Variants in IGSF11 observed in about 807,000 individuals in gnomAD.
IGSF11 encodes the protein immunoglobulin superfamily member 11.
Under a neutral mutation model 41.0 loss-of-function variants are expected in IGSF11, and 22 were observed. That is an observed-to-expected ratio of 0.54 (90% CI 0.38 to 0.77). The LOEUF (loss-of-function observed/expected upper bound fraction) is 0.77, where lower values mean the gene tolerates loss of function less well. IGSF11 is among the 30% of genes least tolerant of loss of function. IGSF11 has a pLI of 0.00. For missense variants in IGSF11, 444 were observed against 530.8 expected (o/e 0.84, Z 1.61); for synonymous variants, 219 against 201.3 (o/e 1.09, Z -0.74).
At position 118,903,111 on chromosome 3, in the gene IGSF11, C is replaced by A. The variant is rs1446459059; in HGVS notation, c.855-150G>T. On this transcript the variant is annotated intron_variant, in intron 6 of 6. Coordinates refer to ENST00000393775, the MANE Select transcript of IGSF11 (RefSeq NM_001015887.3). ...TCTATCGTGAAAGCAGGCATGGCAA[C>A]CCTGGATGGCCTCAGCTTTGGTATC... 5 of 690,380 alleles carry A rather than the reference C, an allele frequency of 7.2e-6. No homozygotes were observed. The African/African-American group carries it at 9.1e-5, about 12-fold the overall frequency. The allele number at this position is 690,380 out of a possible 1,614,324, so 42.8% of individuals were successfully genotyped here.
At chr3:118,956,649 C>T (rs906044955) in intron 1 of IGSF11, among the ~76,000 whole-genome samples, 1 of 152,088 alleles carries the variant, frequency 6.6e-6, no homozygotes. Context: ...TATGGCACCC[C>T]GAAACAATTA....
chr3:118,972,532 T>C (rs1933559869), intron 1 of IGSF11, among the ~76,000 whole-genome samples: 1 of 152,214 alleles, frequency 6.6e-6, no homozygotes, highest in Non-Finnish European at 1.5e-5. Context: ...AGTTGCTGAA[T>C]GGATGATTTT....
In IGSF11 at chr3:118,964,786, C is replaced by G. The variant is rs139608010; in HGVS notation, c.53-34511G>C. On this transcript the variant is annotated intron_variant, in intron 1 of 6. Transcript: ENST00000393775. ...ATGTCTACCAAATCTATCATATAGT[C>G]TACCAAATCTAACATAAAAGAATTT... 5.3e-3 allele frequency among the ~76,000 whole-genome samples: 809 copies of G among 152,226 alleles called. 13 individuals are homozygous for G. Among genetic ancestry groups the G allele is most frequent in the African/African-American group, 0.018 (765 of 41,540 alleles).
At chr3:119,017,003 G>A (rs1002868761) in intron 1 of IGSF11, among the ~76,000 whole-genome samples, 1 of 149,142 alleles carries the variant, frequency 6.7e-6, no homozygotes, top group Non-Finnish European at 1.5e-5. Context: ...AAACAGATAT[G>A]GGCTAAAGCA....
chr3:118,969,605 G>A (rs1576512521), intron 1 of IGSF11, among the ~76,000 whole-genome samples: 1 of 152,134 alleles, frequency 6.6e-6, no homozygotes, highest in Non-Finnish European at 1.5e-5. Flanking sequence ...GCAGGTACTA[G>A]GGCAAAGCAA....
intron 1 of IGSF11, among the ~76,000 whole-genome samples, chr3:119,050,221 A>C (rs972794271): frequency 7.2e-5 from 11 of 152,014 alleles, no homozygotes; most frequent in South Asian, 2.1e-4. Context: ...CAACCTACAA[A>C]ATGGGAGAAA....
At chr3:119,062,044 AT>A in intron 1 of IGSF11, among the ~76,000 whole-genome samples, 1 of 152,186 alleles carries the variant, frequency 6.6e-6, no homozygotes. Flanking sequence ...TAAAAATGGA[AT>A]ATAATTCCTA....
intron 1 of IGSF11, among the ~76,000 whole-genome samples, chr3:119,085,112 G>T (rs1207641692): frequency 2.0e-5 from 3 of 152,166 alleles, no homozygotes; most frequent in Non-Finnish European, 4.4e-5. Flanking sequence ...AATGATGGGA[G>T]GTGGCTCCCC....
chr3:118,929,793 A>G (rs1942683444), intron 2 of IGSF11, among the ~76,000 whole-genome samples: 1 of 152,228 alleles, frequency 6.6e-6, no homozygotes, highest in Non-Finnish European at 1.5e-5. Context: ...CTATCTTTTA[A>G]AAGTATGCTC....
chr3:118,910,992 T>C (rs1462813170), intron 4 of IGSF11, among the ~76,000 whole-genome samples: 3 of 152,154 alleles, frequency 2.0e-5, no homozygotes, highest in East Asian at 3.9e-4. Context: ...TATGATTTTC[T>C]CTTTATATCT....
chr3:118,965,188 A>G (rs1945586060), intron 1 of IGSF11, among the ~76,000 whole-genome samples: 1 of 152,178 alleles, frequency 6.6e-6, no homozygotes, highest in African/African-American at 2.4e-5. Context: ...ATATAATTTT[A>G]GAAAATATAA....
rs535809232 is a variant in IGSF11, at chr3:118,953,553, T to C, written c.53-23278A>G. Reference sequence around the variant, plus strand: ...AATTGTTCCCTTTCTACCTCATCCATGCCAACATCTATTATTTTTTGATTT... The same window carrying C: ...AATTGTTCCCTTTCTACCTCATCCACGCCAACATCTATTATTTTTTGATTT... On this transcript the variant is annotated intron_variant, in intron 1 of 6. Transcript: ENST00000393775. 5.3e-5 allele frequency among the ~76,000 whole-genome samples: 8 copies of C among 152,338 alleles called. No individual in the cohort carries two copies. In the East Asian group the frequency reaches 9.6e-4, roughly 18 times the overall value.
At chr3:119,030,645 C>G (rs1002247774) in intron 1 of IGSF11, among the ~76,000 whole-genome samples, 4 of 152,152 alleles carry the variant, frequency 2.6e-5, no homozygotes, top group African/African-American at 9.7e-5. Flanking sequence ...CAGCTCAAAT[C>G]AGATGGCTTT....
chr3:119,056,422 GA>G (rs1180043868), intron 1 of IGSF11, among the ~76,000 whole-genome samples: 2 of 152,154 alleles, frequency 1.3e-5, no homozygotes, highest in Admixed American at 1.3e-4. Flanking sequence ...ACTAAACCAG[GA>G]AGAAGTTGAA....
chr3:119,126,581 AG>A (rs1248034843), intron 1 of IGSF11, among the ~76,000 whole-genome samples: 1 of 152,162 alleles, frequency 6.6e-6, no homozygotes, highest in Non-Finnish European at 1.5e-5. Context: ...GCACTCCAAC[AG>A]GGGTTGTCAG....
In IGSF11 at chr3:118,909,649, G is replaced by A. The variant is rs562869634; in HGVS notation, c.581-3931C>T. On this transcript the variant is annotated intron_variant, in intron 4 of 6. Transcript: ENST00000393775. ...CATTAATAGAATTTCCAAGGGCACC[G>A]TCCAGATGGATGTTAGGATACATCC... Among the ~76,000 whole-genome samples the A allele has an allele frequency of 4.6e-5, 7 of 152,222 alleles. 1 individual carries two copies. In the South Asian group the frequency reaches 6.2e-4, roughly 13 times the overall value.
rs143837667 is a variant in IGSF11, at chr3:118,902,596, C to T, written c.1220G>A (p.Ser407Asn). The change falls in exon 7 of 7, where the codon AGC (serine) becomes AAC (asparagine). Residue 407 changes from serine (S) to asparagine (N), a missense_variant. Coordinates refer to ENST00000393775, the MANE Select transcript of IGSF11 (RefSeq NM_001015887.3). The stretch of plus-strand genomic sequence containing the variant: ...ACCAATTCGTTCCAGTGTTGCGTGG[C>T]TGATGGTGTAGGAATGAGTGTGTGG... ...RPPHTHSYTISHATLERIGAV... is the reference protein window; with the variant it reads ...RPPHTHSYTINHATLERIGAV... 5.6e-6 allele frequency: 9 copies of T among 1,613,948 alleles called. No homozygotes were observed. Among genetic ancestry groups the T allele is most frequent in the African/African-American group, 1.3e-5 (1 of 74,900 alleles).
intron 1 of IGSF11, among the ~76,000 whole-genome samples, chr3:119,123,232 G>A (rs1256203184): frequency 6.6e-6 from 1 of 152,328 alleles, no homozygotes; most frequent in African/African-American, 2.4e-5. Context: ...GGCCTGTGGT[G>A]GTAGCGGCCA....
chr3:118,926,745 G>A (rs1156569121), intron 3 of IGSF11, among the ~76,000 whole-genome samples: 2 of 152,170 alleles, frequency 1.3e-5, no homozygotes, highest in African/African-American at 4.8e-5. Flanking sequence ...CTTTATGGTG[G>A]AGAAAGTTAA....
Sources: gnomAD v4.1 joint callset for allele counts (sites outside exome capture counted in the v4.1 genomes callset) on GRCh38, gnomAD v4.1.1 for gene constraint, MANE v1.5 for transcripts, NCBI Gene and HGNC (gene_info 2026-07-23, HGNC 2026-07-21) for gene names.